MUC4: variants seen among roughly 807,000 people sequenced by gnomAD.
MUC4 encodes the protein mucin-4.
Under a neutral mutation model 257.9 loss-of-function variants are expected in MUC4, and 202 were observed. That is an observed-to-expected ratio of 0.78 (90% CI 0.70 to 0.88). The LOEUF (loss-of-function observed/expected upper bound fraction) is 0.88. Ranked by LOEUF, MUC4 falls within the 40% of genes least tolerant of loss-of-function variation. The probability of loss-of-function intolerance (pLI) is 0.00; values close to 1 mark genes in which losing one functional copy is unlikely to be tolerated. For synonymous variants in MUC4, 2,351 were observed against 2,757.1 expected (o/e 0.85, Z 4.62); for missense variants, 5,976 against 6,513.7 (o/e 0.92, Z 2.84).
intron 1 of MUC4, among the ~76,000 whole-genome samples, chr3:195,811,146 TA>T (rs373130439): frequency 1.2e-4 from 1 of 8,154 alleles, no homozygotes; most frequent in Admixed American, 2.2e-3. Flanking sequence ...TTTTATTTTA[TA>T]TTTATTTATT....
chr3:195,765,375 G>C lies in MUC4; in HGVS notation c.13693C>G (p.Leu4565Val), dbSNP rs755799253. The stretch of plus-strand genomic sequence containing the variant: ...CTGGGCCACCGAGGCTGGCTCTTCA[G>C]CCACTGCAGGCACTCGAGACGGTAG... ...PNYRLECLQW[L>V]KSQPRWPSWG... The change falls in exon 9 of 25, where the codon CTG becomes GTG. Residue 4565 changes from leucine (L) to valine (V), a missense_variant. Physicochemically the swap from Leu to Val is conservative, Grantham distance 32. Transcript: ENST00000463781. The C allele has an allele frequency of 6.2e-7, 1 of 1,613,640 alleles. No homozygotes were observed. Among genetic ancestry groups the C allele is most frequent in the South Asian group, 1.1e-5 (1 of 91,082 alleles).
At chr3:195,774,419 G>A (rs890561837) in intron 3 of MUC4, 114 bp from the exon 4 acceptor site, 47 of 1,289,144 alleles carry the variant, frequency 3.6e-5, no homozygotes, top group Middle Eastern at 2.9e-4. Flanking sequence ...TGTGTTCCCC[G>A]AGGGCCCCAG....
chr3:195,788,908 G>T lies in MUC4; in HGVS notation c.2672C>A (p.Pro891Gln). 6.2e-7 allele frequency: 1 copy of T among 1,613,690 alleles called. No homozygotes were observed. ...TAGRPTGQSSPTSPSASPQET... is the reference protein window; with the variant it reads ...TAGRPTGQSSQTSPSASPQET... The stretch of plus-strand genomic sequence containing the variant: ...CTGAGGAGAGGCACTGGGAGAAGTT[G>T]GGCTTGACTGTCCTGTCGGTCTCCC... The change falls in exon 2 of 25, where the codon CCA (proline) becomes CAA (glutamine). Residue 891 changes from proline to glutamine, a missense_variant. Transcript: ENST00000463781.
rs1420217674 is a variant in MUC4, at chr3:195,783,946, A to G, written c.7634T>C (p.Leu2545Pro). Residue 2545 changes from leucine to proline, a missense_variant, in exon 2 of 25, where the codon CTT becomes CCT. Leu to Pro is a moderately conservative substitution (Grantham distance 98). Coordinates refer to ENST00000463781, the MANE Select transcript of MUC4 (RefSeq NM_018406.7). Reference sequence around the variant, plus strand: ...TGCTGAGGAAGGGCTGGTGACATGAAGAGAGGTGGCGTGACGTGTGGATAA... The same window carrying G: ...TGCTGAGGAAGGGCTGGTGACATGAGGAGAGGTGGCGTGACGTGTGGATAA... ...SSLSTRHATS[L>P]HVTSPSSAST... 1.3e-6 allele frequency: 2 copies of G among 1,522,484 alleles called. No homozygotes were observed. Among genetic ancestry groups the G allele is most frequent in the South Asian group, 1.2e-5 (1 of 82,930 alleles). 94.3% of individuals were successfully genotyped at this position (1,522,484 alleles called of 1,614,324 possible).
chr3:195,804,050 C>T (rs1276815417), intron 1 of MUC4, among the ~76,000 whole-genome samples: 1 of 152,184 alleles, frequency 6.6e-6, no homozygotes, highest in Non-Finnish European at 1.5e-5. Flanking sequence ...AGAAGACACA[C>T]GTGTGTCATT....
chr3:195,770,847 C>T, intron 5 of MUC4: 2 of 458,632 alleles, frequency 4.4e-6, no homozygotes, highest in Non-Finnish European at 8.8e-6. Context: ...ACAGGACGGG[C>T]CCTCTTGACT....
chr3:195,800,742 T>C (rs1039911778), intron 1 of MUC4, among the ~76,000 whole-genome samples: 4 of 152,254 alleles, frequency 2.6e-5, no homozygotes, highest in Admixed American at 6.5e-5. Context: ...GGAGAGACTA[T>C]GGAGAATGAT....
chr3:195,767,863 C>G (rs1721776273), intron 7 of MUC4, among the ~76,000 whole-genome samples: 1 of 146,790 alleles, frequency 6.8e-6, no homozygotes, highest in Non-Finnish European at 1.5e-5. Context: ...CCATCACCCC[C>G]AACACCACCA....
intron 5 of MUC4, 107 bp downstream of exon 5, chr3:195,771,545 C>G (rs1722892003): frequency 9.1e-6 from 12 of 1,322,052 alleles, no homozygotes; most frequent in Middle Eastern, 2.7e-4. Flanking sequence ...CAGTCCCCTG[C>G]TGCAGGGGCT....
chr3:195,803,677 C>T (rs1735631856), intron 1 of MUC4, among the ~76,000 whole-genome samples: 1 of 152,248 alleles, frequency 6.6e-6, no homozygotes, highest in African/African-American at 2.4e-5. Context: ...TCAGCGGCCC[C>T]ATTTCACAGG....
rs1243793017 is a variant in MUC4, at chr3:195,780,548, T to C, written c.11032A>G (p.Thr3678Ala). 4.6e-5 allele frequency: 23 copies of C among 496,068 alleles called. 2 individuals are homozygous for C. The African/African-American group carries it at 8.4e-4, about 18-fold the overall frequency. The allele number at this position is 496,068 out of a possible 1,614,324, so 30.7% of individuals were successfully genotyped here. The change falls in exon 2 of 25, where the codon ACC (threonine) becomes GCC (alanine). Residue 3678 changes from threonine to alanine, a missense_variant. Thr to Ala is a moderately conservative substitution (Grantham distance 58). This residue lies in a region of MUC4 where 330 missense variants were observed against 262.0 expected (regional missense o/e 1.26). Coordinates refer to ENST00000463781, the MANE Select transcript of MUC4 (RefSeq NM_018406.7). ...TDTSSASTGD[T>A]TRLPVTDTSS... ...GTGTCCGTGACAGGAAGACGGGTGGTGTCACCTGTGGATGCTGAGGAAGTG... is the reference window on the plus strand; with the variant it reads ...GTGTCCGTGACAGGAAGACGGGTGGCGTCACCTGTGGATGCTGAGGAAGTG...
At chr3:195,759,918 A>AACACACACACACACGCACGCACGCAC (rs1553855202) in intron 16 of MUC4, among the ~76,000 whole-genome samples, 13 of 149,738 alleles carry the variant, frequency 8.7e-5, no homozygotes, top group South Asian at 2.1e-4. Flanking sequence ...AAACTCCGTC[A>AACACACACACACACGCACGCACGCAC]ACACACACAC....
intron 2 of MUC4, 42 bp downstream of exon 2, chr3:195,778,748 G>T (rs1187397434): frequency 6.4e-7 from 1 of 1,554,828 alleles, no homozygotes; most frequent in Non-Finnish European, 8.7e-7. Flanking sequence ...TTCCGCCAAG[G>T]GGCCCACTGG....
intron 1 of MUC4, among the ~76,000 whole-genome samples, chr3:195,808,016 C>G (rs1282694618): frequency 6.6e-6 from 1 of 152,180 alleles, no homozygotes; most frequent in East Asian, 1.9e-4. Flanking sequence ...GGGCCATGGC[C>G]CTCGGGGTCC....
chr3:195,766,145 G>A (rs962639474), intron 8 of MUC4, among the ~76,000 whole-genome samples: 11 of 152,176 alleles, frequency 7.2e-5, no homozygotes, highest in African/African-American at 2.4e-4. Context: ...ATTTTTAGTA[G>A]AGACAGAATT....
At chr3:195,761,196 T>C (rs1191128595) in intron 15 of MUC4, 79 bp from the exon 16 acceptor site, 9 of 1,383,806 alleles carry the variant, frequency 6.5e-6, no homozygotes, top group Non-Finnish European at 9.2e-6. Flanking sequence ...CCCCTCACTT[T>C]AGATGGCTTG....
Position 195,779,477 on chromosome 3 carries a change from C to T in MUC4, c.12103G>A (p.Val4035Ile). 8.2e-7 allele frequency: 1 copy of T among 1,220,882 alleles called. No homozygotes were observed. The highest frequency in any genetic ancestry group is 1.1e-6 in the Non-Finnish European group (1 of 902,352). The allele number at this position is 1,220,882 out of a possible 1,614,324, so 75.6% of individuals were successfully genotyped here. A position where few individuals can be genotyped will look rare whatever the true frequency, so the allele number is the denominator to read the frequency against. Residue 4035 changes from valine (V) to isoleucine (I), a missense_variant, in exon 2 of 25, where the codon GTC (valine) becomes ATC (isoleucine). Around this residue, in one of 44 missense-constraint regions of MUC4, gnomAD observed 293 missense variants for 294.5 expected, o/e 1.00. Transcript: ENST00000463781. ...ASTGHATPVP[V>I]TSTSSASTGD... ...GTGGATGCTGAGGAAGTGCTGGTGACAGGAACAGGGGTGGCGTGACCTGTG... is the reference window on the plus strand; with the variant it reads ...GTGGATGCTGAGGAAGTGCTGGTGATAGGAACAGGGGTGGCGTGACCTGTG...
intron 24 of MUC4, 133 bp downstream of exon 24, chr3:195,748,769 T>C: frequency 8.1e-7 from 1 of 1,238,674 alleles, no homozygotes; most frequent in Non-Finnish European, 1.1e-6. Flanking sequence ...CTCACAACTC[T>C]CCTTTTCCAC....
chr3:195,811,116 TCTC>T (rs1232479586), intron 1 of MUC4, among the ~76,000 whole-genome samples: 4 of 151,710 alleles, frequency 2.6e-5, no homozygotes, highest in Non-Finnish European at 4.4e-5. Context: ...TCCCCACTTT[TCTC>T]CTCTTCTTAT....
Sources: gnomAD v4.1 joint callset for allele counts (sites outside exome capture counted in the v4.1 genomes callset) on GRCh38, gnomAD v4.1.1 for gene constraint, gnomAD v4.1.1 regional missense constraint, MANE v1.5 for transcripts, NCBI Gene and HGNC (gene_info 2026-07-23, HGNC 2026-07-21) for gene names.